The following MKRN2 variants were observed in gnomAD, a reference collection of about 807,000 sequenced individuals.
MKRN2 encodes makorin ring finger protein 2.
In MKRN2, 32 loss-of-function variants were observed where a neutral mutation model predicts 45.4. That is an observed-to-expected ratio of 0.70 (90% confidence interval 0.53 to 0.95). The LOEUF is 0.95. Ranked by LOEUF, MKRN2 falls within the 40% of genes least tolerant of loss-of-function variation. The probability of loss-of-function intolerance (pLI) is 0.00; values close to 1 mark genes in which losing one functional copy is unlikely to be tolerated. For synonymous variants in MKRN2, 206 were observed against 192.4 expected (o/e 1.07, Z -0.59); for missense variants, 526 against 536.7 (o/e 0.98, Z 0.20).
intron 6 of MKRN2, among the ~76,000 whole-genome samples, chr3:12,580,201 T>A (rs745941228): frequency 1.3e-5 from 2 of 152,172 alleles, no homozygotes; most frequent in African/African-American, 4.8e-5. Flanking sequence ...GTAATATTCT[T>A]GTGAGAGTGG....
intron 1 of MKRN2, among the ~76,000 whole-genome samples, chr3:12,567,551 C>G (rs1308908223): frequency 6.9e-6 from 1 of 144,614 alleles, no homozygotes; most frequent in Non-Finnish European, 1.5e-5. Flanking sequence ...TGCAATGGCG[C>G]AATCTCGGCT....
rs753356310 is a variant in MKRN2, at chr3:12,572,132, G to C, written c.401G>C (p.Ser134Thr). The C allele has an allele frequency of 1.9e-6, 3 of 1,613,886 alleles. No homozygotes were observed. Among genetic ancestry groups the C allele is most frequent in the Non-Finnish European group, 2.5e-6 (3 of 1,179,990 alleles). ...ATGGTGAGTAATCCAGGCAGCTGCA[G>C]CGACCCCCAGCCCAGCCCCGAGATG... Reference protein sequence around the residue: ...PSMVSNPGSCSDPQPSPEMKP... With the variant: ...PSMVSNPGSCTDPQPSPEMKP... The change falls in exon 4 of 8, where the codon AGC (serine) becomes ACC (threonine). Residue 134 changes from serine (S) to threonine (T), a missense_variant. By Grantham distance (58) the Ser-to-Thr change is moderately conservative. Coordinates refer to ENST00000170447, the MANE Select transcript of MKRN2 (RefSeq NM_014160.5).
rs993604043 is a variant in MKRN2, at chr3:12,570,251, A to G, written c.336A>G (p.Arg112=). 4.3e-6 allele frequency: 7 copies of G among 1,612,924 alleles called. No homozygotes were observed. The African/African-American group carries it at 9.4e-5, about 22-fold the overall frequency. ...AGAGAACATTGGTTCTTAGAGACCG[A>G]AGTGAGTAAGCGGAAGCCTTTTGTT... ...REKRTLVLRD[R]NLSGMAERKT... is the part of the protein sequence containing the mutation. Residue 112 remains arginine (R), a splice_region_variant and synonymous_variant, in exon 3 of 8, where the codon CGA becomes CGG. Transcript: ENST00000170447.
intron 1 of MKRN2, among the ~76,000 whole-genome samples, chr3:12,558,337 G>A (rs1379640562): frequency 6.6e-6 from 1 of 152,200 alleles, no homozygotes; most frequent in Non-Finnish European, 1.5e-5. Context: ...GGTGTTTTGT[G>A]AAGACGGGTT....
intron 6 of MKRN2, among the ~76,000 whole-genome samples, chr3:12,580,030 G>A (rs2058167057): frequency 1.3e-5 from 2 of 152,226 alleles, no homozygotes; most frequent in African/African-American, 4.8e-5. Context: ...AGGCCCCAGA[G>A]GCTTCCACAA....
At chr3:12,566,767 T>G (rs2058071060) in intron 1 of MKRN2, among the ~76,000 whole-genome samples, 1 of 152,128 alleles carries the variant, frequency 6.6e-6, no homozygotes, top group Non-Finnish European at 1.5e-5. Context: ...CACACCTGGC[T>G]AATTTTTGTA....
At chr3:12,567,146 T>G (rs575215860) in intron 1 of MKRN2, among the ~76,000 whole-genome samples, 13 of 152,256 alleles carry the variant, frequency 8.5e-5, no homozygotes, top group African/African-American at 3.1e-4. Context: ...AGCATTTGGA[T>G]TGTATTGTCT....
At position 12,557,130 on chromosome 3, in the gene MKRN2, C is replaced by G. The variant is rs1227269294; in HGVS notation, c.-21C>G. ...GCTGCGAGAGGCGGCGGCACGACGA[C>G]GGTCCCTCAGCCCAGCCACCATGAG... On this transcript the variant is annotated 5_prime_UTR_variant, in exon 1 of 8. Transcript: ENST00000170447. The G allele has an allele frequency of 6.7e-7, 1 of 1,499,908 alleles. No homozygotes were observed. The highest frequency in any genetic ancestry group is 8.9e-7 in the Non-Finnish European group (1 of 1,126,960). 92.9% of individuals were successfully genotyped at this position (1,499,908 alleles called of 1,614,324 possible). A position where few individuals can be genotyped will look rare whatever the true frequency, so the allele number is the denominator to read the frequency against.
intron 1 of MKRN2, among the ~76,000 whole-genome samples, chr3:12,566,920 C>T (rs1439998373): frequency 6.6e-6 from 1 of 152,194 alleles, no homozygotes; most frequent in East Asian, 1.9e-4. Flanking sequence ...TTATTTAAAT[C>T]ATCCATTTCT....
At chr3:12,562,700 T>C (rs2058046290) in intron 1 of MKRN2, among the ~76,000 whole-genome samples, 1 of 152,108 alleles carries the variant, frequency 6.6e-6, no homozygotes, top group Admixed American at 6.6e-5. Context: ...CTCCACCTCC[T>C]GTCAGATCAG....
At chr3:12,570,718 A>G (rs1222677476) in intron 3 of MKRN2, among the ~76,000 whole-genome samples, 1 of 151,802 alleles carries the variant, frequency 6.6e-6, no homozygotes, top group Non-Finnish European at 1.5e-5. Context: ...CCCTGTCTCT[A>G]CTAAAAATAC....
intron 6 of MKRN2, among the ~76,000 whole-genome samples, chr3:12,581,344 T>A (rs886947222): frequency 1.1e-4 from 17 of 152,182 alleles, no homozygotes; most frequent in Admixed American, 5.9e-4. Flanking sequence ...CTGCTTTCCC[T>A]GTAGCCACCT....
intron 1 of MKRN2, among the ~76,000 whole-genome samples, chr3:12,563,646 T>C (rs77874016): frequency 1.4e-5 from 2 of 147,490 alleles, no homozygotes; most frequent in Non-Finnish European, 3.0e-5. Context: ...CCTGCCACCA[T>C]GCCCGGCTAC....
chr3:12,574,770 T>G (rs754085735), intron 4 of MKRN2, 22 bp from the exon 5 acceptor site: 1 of 1,605,234 alleles, frequency 6.2e-7, no homozygotes. Flanking sequence ...AACCAAAGCC[T>G]TCCTTCCTGT....
intron 4 of MKRN2, among the ~76,000 whole-genome samples, chr3:12,574,423 A>C (rs1042503884): frequency 3.9e-5 from 6 of 152,252 alleles, no homozygotes; most frequent in Admixed American, 2.6e-4. Context: ...TCTGATGTAG[A>C]CATGGCTCAG....
intron 6 of MKRN2, among the ~76,000 whole-genome samples, chr3:12,579,610 C>A (rs2058164833): frequency 6.6e-6 from 1 of 152,154 alleles, no homozygotes. Flanking sequence ...AGCATGGGAG[C>A]CTGAACCATG....
At chr3:12,561,109 C>T (rs373417768) in intron 1 of MKRN2, 8 of 152,314 alleles carry the variant, frequency 5.3e-5, no homozygotes, top group Admixed American at 3.3e-4. Flanking sequence ...TCATACTTTC[C>T]TTTCTTGAAG....
At chr3:12,579,272 C>A (rs2058162784) in intron 6 of MKRN2, among the ~76,000 whole-genome samples, 1 of 152,178 alleles carries the variant, frequency 6.6e-6, no homozygotes, top group African/African-American at 2.4e-5. Flanking sequence ...TCAAGTGATT[C>A]TTCTGCCTCA....
At chr3:12,565,132 C>T (rs999601383) in intron 1 of MKRN2, among the ~76,000 whole-genome samples, 1 of 152,184 alleles carries the variant, frequency 6.6e-6, no homozygotes, top group African/African-American at 2.4e-5. Flanking sequence ...TTCTTGGGTA[C>T]ATACCTAGGC....
Sources: gnomAD v4.1 joint callset for allele counts (sites outside exome capture counted in the v4.1 genomes callset) on GRCh38, gnomAD v4.1.1 for gene constraint, MANE v1.5 for transcripts, NCBI Gene and HGNC (gene_info 2026-07-23, HGNC 2026-07-21) for gene names.